The following IQSEC3 variants were observed in gnomAD, a reference collection of about 807,000 sequenced individuals.
IQSEC3 encodes IQ motif and Sec7 domain ArfGEF 3.
IQSEC3 carries 50 observed loss-of-function variants against 105.4 expected under a neutral mutation model. That is an observed-to-expected ratio of 0.47 (90% CI 0.38 to 0.60). The LOEUF is 0.60. Ranked by LOEUF, IQSEC3 falls within the 20% of genes least tolerant of loss-of-function variation. The pLI is 0.00. For synonymous variants in IQSEC3, 708 were observed against 746.0 expected, an observed-to-expected ratio of 0.95 and a Z score of 0.83; for missense variants, 1,415 against 1,630.0, an observed-to-expected ratio of 0.87 and a Z score of 2.27.
rs761031303 is a variant in IQSEC3, at chr12:175,061, G to A, written c.*28G>A. 4.7e-6 allele frequency: 7 copies of A among 1,479,964 alleles called. No homozygotes were observed. The highest frequency in any genetic ancestry group is 6.3e-6 in the Non-Finnish European group (7 of 1,118,176). The allele number at this position is 1,479,964 out of a possible 1,614,324, so 91.7% of individuals were successfully genotyped here. A position where few individuals can be genotyped will look rare whatever the true frequency, so the allele number is the denominator to read the frequency against. On this transcript the variant is annotated 3_prime_UTR_variant, in exon 14 of 14. Transcript: ENST00000538872. ...TCTGCCCCACCACCCTGCTGTCCTG[G>A]GAGGGCTGGCCACTGGGGGGCCTGG...
Position 174,856 on chromosome 12 carries a change from G to A in IQSEC3, c.3372G>A (p.Ser1124=), listed in dbSNP as rs376817858. The A allele has an allele frequency of 6.8e-5, 108 of 1,579,498 alleles. No individual in the cohort carries two copies. The highest frequency in any genetic ancestry group is 8.4e-5 in the Non-Finnish European group (98 of 1,171,468). The stretch of plus-strand genomic sequence containing the variant: ...AGGCTCTCTCCTGCTACACCTCGTC[G>A]TCCTCTGACTCCTGCGGCTCCACAC... The part of the protein sequence containing the change: ...LSQALSCYTS[S]SSDSCGSTPL... Residue 1124 remains serine (S), a synonymous_variant, in exon 14 of 14, where the codon TCG becomes TCA. Coordinates refer to ENST00000538872, the MANE Select transcript of IQSEC3 (RefSeq NM_001170738.2).
At chr12:139,682 A>T in intron 4 of IQSEC3, 1 of 252,428 alleles carries the variant, frequency 4.0e-6, no homozygotes. Context: ...GTATTAAGTA[A>T]ATAACAGTCC....
intron 2 of IQSEC3, among the ~76,000 whole-genome samples, chr12:101,343 A>G (rs7296245): frequency 0.96 from 146,423 of 152,288 alleles, 70,424 homozygotes; most frequent in East Asian, 1. Flanking sequence ...AAGGGGCTGG[A>G]GCTCCAAGGG....
chr12:90,352 AT>A (rs1864043415), intron 1 of IQSEC3, among the ~76,000 whole-genome samples: 1 of 152,182 alleles, frequency 6.6e-6, no homozygotes, highest in African/African-American at 2.4e-5. Flanking sequence ...TAACTTAGCA[AT>A]TTTTTTGTTT....
At chr12:110,514 G>A (rs1555079263) in intron 2 of IQSEC3, among the ~76,000 whole-genome samples, 2 of 151,714 alleles carry the variant, frequency 1.3e-5, no homozygotes, top group African/African-American at 4.9e-5. Flanking sequence ...CCTGCACTGG[G>A]GCCTGATCTC....
intron 5 of IQSEC3, among the ~76,000 whole-genome samples, chr12:151,707 C>G (rs1026515704): frequency 6.6e-6 from 1 of 152,192 alleles, no homozygotes; most frequent in African/African-American, 2.4e-5. Flanking sequence ...ACAGACTGAG[C>G]CCTGGCTGCT....
chr12:103,457 G>A (rs1864495834), intron 2 of IQSEC3, among the ~76,000 whole-genome samples: 1 of 68,294 alleles, frequency 1.5e-5, no homozygotes, highest in Admixed American at 1.7e-4. Context: ...CGGGGCTCAG[G>A]CAGGAGAGGC....
chr12:160,972 A>G lies in IQSEC3; in HGVS notation c.2444-954A>G, dbSNP rs185495061. Among the ~76,000 whole-genome samples the G allele has an allele frequency of 3.3e-3, 503 of 152,236 alleles. 1 individual carries two copies. Among genetic ancestry groups the G allele is most frequent in the Non-Finnish European group, 5.3e-3 (360 of 68,030 alleles). On this transcript the variant is annotated intron_variant, in intron 7 of 13. Transcript: ENST00000538872. ...CTGCCACCTTGAACTGGGGGCATCCATACACTCAGCCTTTCTCCTTGGTTT... is the reference window on the plus strand; with the variant it reads ...CTGCCACCTTGAACTGGGGGCATCCGTACACTCAGCCTTTCTCCTTGGTTT...
chr12:120,573 A>T (rs1865186311), intron 2 of IQSEC3, among the ~76,000 whole-genome samples: 1 of 152,222 alleles, frequency 6.6e-6, no homozygotes, highest in South Asian at 2.1e-4. Flanking sequence ...AGGCATGCTC[A>T]GCAGGTGCCT....
chr12:178,400 A>G lies in IQSEC3; in HGVS notation c.*3367A>G, dbSNP rs1351988589. 3.3e-5 allele frequency: 5 copies of G among 152,224 alleles called. No individual in the cohort carries two copies. Among genetic ancestry groups the G allele is most frequent in the Non-Finnish European group, 7.3e-5 (5 of 68,040 alleles). The allele number at this position is 152,224 out of a possible 1,614,324, so 9.4% of individuals were successfully genotyped here. ...TTTTGTAACAAAATAGCCCAGAGGT[A>G]TTTTATCTGTTCAATTCATAGAGTT... is the stretch of plus-strand genomic sequence containing the variant. On this transcript the variant is annotated 3_prime_UTR_variant, in exon 14 of 14. Transcript: ENST00000538872.
intron 3 of IQSEC3, among the ~76,000 whole-genome samples, chr12:136,700 C>T (rs1865778314): frequency 6.6e-6 from 1 of 152,206 alleles, no homozygotes. Context: ...TCGGGAAGGA[C>T]ACCACGTGTA....
At chr12:111,557 A>G (rs560663088) in intron 2 of IQSEC3, 68 of 152,138 alleles carry the variant, frequency 4.5e-4, no homozygotes, top group African/African-American at 1.6e-3. Flanking sequence ...GGTTTCTTAC[A>G]CACCCCAAGA....
Position 161,900 on chromosome 12 carries a change from C to T in IQSEC3, c.2444-26C>T, listed in dbSNP as rs578005774. On this transcript the variant is annotated intron_variant, in intron 7 of 13. Transcript: ENST00000538872. ...ACACCCTCCCTCCCAACCCCACCACCACCCCTGCCCACTCCACGTTGTTAG... is the reference window on the plus strand; with the variant it reads ...ACACCCTCCCTCCCAACCCCACCACTACCCCTGCCCACTCCACGTTGTTAG... 5.1e-6 allele frequency: 8 copies of T among 1,561,654 alleles called. No individual in the cohort carries two copies. In the East Asian group the frequency reaches 1.2e-4, roughly 23 times the overall value.
intron 7 of IQSEC3, among the ~76,000 whole-genome samples, chr12:160,009 C>T (rs1008550882): frequency 6.6e-6 from 1 of 152,026 alleles, no homozygotes; most frequent in East Asian, 1.9e-4. Flanking sequence ...TCATATTTTT[C>T]ATTCTCAATA....
intron 2 of IQSEC3, among the ~76,000 whole-genome samples, chr12:101,549 T>A (rs1453870937): frequency 6.6e-6 from 1 of 152,118 alleles, no homozygotes; most frequent in Non-Finnish European, 1.5e-5. Context: ...GAGGCGCCTA[T>A]ACACCCTGCT....
chr12:102,601 C>G (rs1272088235), intron 2 of IQSEC3, among the ~76,000 whole-genome samples: 1 of 152,190 alleles, frequency 6.6e-6, no homozygotes, highest in Non-Finnish European at 1.5e-5. Flanking sequence ...AGAGCCTCAC[C>G]CCTCCCGAAG....
At position 90,797 on chromosome 12, in the gene IQSEC3, CCCT is replaced by C. The variant is rs1314848708; in HGVS notation, c.555-8338_555-8336del. ...GTTTTTCAAAGTTGTTTTGGCTATC[CCCT>C]CCTCCTCCTCACCCCAGGAATCAGA... On this transcript the variant is annotated intron_variant, in intron 1 of 13. Coordinates refer to ENST00000538872, the MANE Select transcript of IQSEC3 (RefSeq NM_001170738.2). Among the ~76,000 whole-genome samples, 9 of 152,152 alleles carry C rather than the reference CCCT, an allele frequency of 5.9e-5. No homozygotes were observed. In the South Asian group the frequency reaches 8.3e-4, roughly 14 times the overall value.
intron 1 of IQSEC3, among the ~76,000 whole-genome samples, chr12:78,650 C>T (rs1555070015): frequency 1.3e-5 from 2 of 152,164 alleles, no homozygotes; most frequent in Non-Finnish European, 2.9e-5. Flanking sequence ...CTGAGCAGGG[C>T]CCTGGGTTTG....
chr12:156,422 G>A (rs1866687656), intron 5 of IQSEC3, among the ~76,000 whole-genome samples: 1 of 151,700 alleles, frequency 6.6e-6, no homozygotes, highest in African/African-American at 2.4e-5. Flanking sequence ...CTCTTAGGCT[G>A]TGCCTCCCAT....
Sources: allele counts gnomAD v4.1 joint callset (sites outside exome capture counted in the v4.1 genomes callset), GRCh38; gene constraint gnomAD v4.1.1; transcripts MANE v1.5; gene names NCBI Gene and HGNC (gene_info 2026-07-23, HGNC 2026-07-21).